Variants in ANO3 observed in about 807,000 individuals in gnomAD.
ANO3 encodes the protein anoctamin-3.
Under a neutral mutation model 144.8 loss-of-function variants are expected in ANO3, and 99 were observed. The observed-to-expected ratio is 0.68, with a 90% CI of 0.58 to 0.81. ANO3 has a LOEUF of 0.81. Ranked by LOEUF, ANO3 falls within the 30% of genes least tolerant of loss-of-function variation. The pLI is 0.00. For missense variants in ANO3, 905 were observed against 1,202.2 expected (o/e 0.75, Z 3.66); for synonymous variants, 414 against 392.6 (o/e 1.05, Z -0.64).
intron 24 of ANO3, among the ~76,000 whole-genome samples, chr11:26,654,209 A>G (rs376981358): frequency 1.3e-5 from 2 of 152,170 alleles, no homozygotes; most frequent in African/African-American, 2.4e-5. Context: ...AAAATTTGAG[A>G]GAATTGACAT....
intron 1 of ANO3, among the ~76,000 whole-genome samples, chr11:26,298,160 G>A (rs1854135529): frequency 6.6e-6 from 1 of 152,112 alleles, no homozygotes; most frequent in Admixed American, 6.5e-5. Flanking sequence ...ATGTAAGCTG[G>A]AAAATAGGAC....
intron 4 of ANO3, among the ~76,000 whole-genome samples, chr11:26,471,193 A>G (rs1349810462): frequency 6.6e-6 from 1 of 151,946 alleles, no homozygotes; most frequent in Non-Finnish European, 1.5e-5. Context: ...CCAGAGCTGC[A>G]CTGTGGTGTG....
intron 1 of ANO3, chr11:26,288,078 A>G (rs535156289): frequency 6.5e-6 from 1 of 152,706 alleles, no homozygotes; most frequent in East Asian, 1.9e-4. Context: ...AATTAATCAA[A>G]TGATTCTGAA....
intron 12 of ANO3, among the ~76,000 whole-genome samples, chr11:26,548,163 T>G (rs891421797): frequency 8.6e-5 from 12 of 140,194 alleles, no homozygotes; most frequent in Non-Finnish European, 1.2e-4. Context: ...TTTATAAATT[T>G]TACTTAGCAT....
intron 1 of ANO3, among the ~76,000 whole-genome samples, chr11:26,278,502 A>G (rs1853607319): frequency 6.6e-6 from 1 of 152,108 alleles, no homozygotes; most frequent in African/African-American, 2.4e-5. Flanking sequence ...AGTCACATGT[A>G]TCCCTCAGAC....
At chr11:26,411,434 G>C (rs1857429288) in intron 1 of ANO3, among the ~76,000 whole-genome samples, 1 of 151,774 alleles carries the variant, frequency 6.6e-6, no homozygotes, top group African/African-American at 2.4e-5. Context: ...TTTTCTGAAG[G>C]CATGCCAGTC....
At chr11:26,248,730 T>G (rs1852855881) in intron 1 of ANO3, among the ~76,000 whole-genome samples, 1 of 152,178 alleles carries the variant, frequency 6.6e-6, no homozygotes, top group African/African-American at 2.4e-5. Flanking sequence ...ATTTTTTTGT[T>G]TTGTTTTGCT....
chr11:26,547,440 A>T lies in ANO3; in HGVS notation c.1179A>T (p.Gly393=). 6.2e-7 allele frequency: 1 copy of T among 1,611,940 alleles called. No individual in the cohort carries two copies. ...GGCTATACTTTGGTGAGAAGATTGG[A>T]CTATACTTTGCTTGGCTGGGATGGT... is the stretch of plus-strand genomic sequence containing the variant. ...LIRLYFGEKI[G]LYFAWLGWYT... Residue 393 remains glycine, a synonymous_variant, in exon 12 of 27, where the codon GGA becomes GGT. Transcript: ENST00000256737.
intron 4 of ANO3, among the ~76,000 whole-genome samples, chr11:26,466,111 G>C (rs1450731824): frequency 6.6e-6 from 1 of 151,842 alleles, no homozygotes; most frequent in Non-Finnish European, 1.5e-5. Context: ...AATGCACAAA[G>C]CTTGGTATGG....
intron 14 of ANO3, chr11:26,560,434 T>C (rs1356689125): frequency 6.6e-6 from 1 of 152,290 alleles, no homozygotes; most frequent in Non-Finnish European, 1.5e-5. Flanking sequence ...AGGGTCAGCT[T>C]TCCTGCCATG....
intron 1 of ANO3, among the ~76,000 whole-genome samples, chr11:26,221,630 T>C (rs958708379): frequency 2.0e-5 from 3 of 152,230 alleles, no homozygotes; most frequent in African/African-American, 7.2e-5. Flanking sequence ...TCACTCATGA[T>C]TCTGCAGGCT....
At chr11:26,485,572 A>G (rs995985189) in intron 4 of ANO3, among the ~76,000 whole-genome samples, 4 of 152,176 alleles carry the variant, frequency 2.6e-5, no homozygotes, top group African/African-American at 9.7e-5. Context: ...GTAGTTCTTT[A>G]CAGCAATTCA....
intron 24 of ANO3, among the ~76,000 whole-genome samples, chr11:26,653,557 A>C (rs1853596867): frequency 6.6e-6 from 1 of 152,156 alleles, no homozygotes; most frequent in East Asian, 1.9e-4. Flanking sequence ...TTTCACTCTA[A>C]GAGCCAAAAT....
At chr11:26,282,801 A>G (rs1259780353) in intron 1 of ANO3, among the ~76,000 whole-genome samples, 1 of 152,194 alleles carries the variant, frequency 6.6e-6, no homozygotes, top group African/African-American at 2.4e-5. Context: ...AAAGAATACA[A>G]AAGTATAAAT....
intron 3 of ANO3, among the ~76,000 whole-genome samples, chr11:26,454,359 A>G (rs929191663): frequency 6.6e-6 from 1 of 151,926 alleles, no homozygotes; most frequent in African/African-American, 2.4e-5. Context: ...AAGAGAGAAG[A>G]ATCAAATAGA....
chr11:26,244,940 T>C (rs1227004080), intron 1 of ANO3, among the ~76,000 whole-genome samples: 3 of 151,916 alleles, frequency 2.0e-5, no homozygotes, highest in Middle Eastern at 3.4e-3. Flanking sequence ...GTTTATTTAG[T>C]TTTATTTAAT....
intron 9 of ANO3, among the ~76,000 whole-genome samples, chr11:26,535,478 G>T (rs1171625837): frequency 6.8e-6 from 1 of 147,834 alleles, no homozygotes; most frequent in Non-Finnish European, 1.5e-5. Flanking sequence ...AAAATAAAAA[G>T]TTGACAGCCA....
At chr11:26,434,421 G>T (rs535992039) in intron 1 of ANO3, among the ~76,000 whole-genome samples, 7 of 151,784 alleles carry the variant, frequency 4.6e-5, no homozygotes, top group Non-Finnish European at 1.0e-4. Context: ...GTTATCTCTC[G>T]TTCTTCAGTT....
At chr11:26,633,866 A>G (rs1253499007) in intron 18 of ANO3, among the ~76,000 whole-genome samples, 3 of 152,060 alleles carry the variant, frequency 2.0e-5, no homozygotes, top group African/African-American at 7.2e-5. Flanking sequence ...ACCTGAGGTC[A>G]GGAGTTCGAG....
Sources: allele counts gnomAD v4.1 joint callset (sites outside exome capture counted in the v4.1 genomes callset), GRCh38; gene constraint gnomAD v4.1.1; transcripts MANE v1.5; gene names NCBI Gene and HGNC (gene_info 2026-07-23, HGNC 2026-07-21).